LRRC7: variants seen among roughly 807,000 people sequenced by gnomAD.
The protein encoded by LRRC7 is leucine rich repeat containing 7, also known as leucine-rich repeat-containing protein 7.
Under a neutral mutation model 175.7 loss-of-function variants are expected in LRRC7, and 23 were observed. The ratio of observed to expected loss-of-function variants is 0.13; its 90% CI spans 0.09 to 0.19. The LOEUF (loss-of-function observed/expected upper bound fraction) is 0.19. Among genes scored for constraint, LRRC7 ranks in the 10% least tolerant of loss-of-function variants. The probability of loss-of-function intolerance (pLI) is 1.00; values close to 1 mark genes in which losing one functional copy is unlikely to be tolerated. For synonymous variants in LRRC7, 685 were observed against 680.9 expected, an observed-to-expected ratio of 1.01 and a Z score of -0.09; for missense variants, 1,354 against 1,904.7, an observed-to-expected ratio of 0.71 and a Z score of 5.38.
At chr1:69,618,245 C>T (rs558554624) in intron 1 of LRRC7, among the ~76,000 whole-genome samples, 52 of 152,218 alleles carry the variant, frequency 3.4e-4, no homozygotes, top group African/African-American at 1.2e-3. Flanking sequence ...TTGAGGGCTA[C>T]CTAATATTCA....
chr1:69,783,014 C>T (rs1432714153), intron 3 of LRRC7, among the ~76,000 whole-genome samples: 2 of 152,200 alleles, frequency 1.3e-5, no homozygotes, highest in Admixed American at 6.5e-5. Flanking sequence ...CAGACCCTTA[C>T]AGCCTTTTAC....
intron 1 of LRRC7, among the ~76,000 whole-genome samples, chr1:69,574,020 C>T (rs1184767955): frequency 6.6e-6 from 1 of 152,050 alleles, no homozygotes; most frequent in African/African-American, 2.4e-5. Context: ...TGAAAGCATA[C>T]TTAACACAAG....
intron 2 of LRRC7, among the ~76,000 whole-genome samples, chr1:69,749,706 A>G (rs1413771303): frequency 6.6e-6 from 1 of 152,134 alleles, no homozygotes; most frequent in Non-Finnish European, 1.5e-5. Flanking sequence ...AAGAAAATAG[A>G]TGAAAGATAT....
chr1:69,601,279 C>A (rs1773315), intron 1 of LRRC7, among the ~76,000 whole-genome samples: 23,011 of 152,084 alleles, frequency 0.15, 1,922 homozygotes, highest in Admixed American at 0.19. Flanking sequence ...AGAAATATTT[C>A]TGTTTGTAAC....
intron 1 of LRRC7, among the ~76,000 whole-genome samples, chr1:69,675,753 C>T (rs1659672107): frequency 6.6e-6 from 1 of 151,998 alleles, no homozygotes; most frequent in South Asian, 2.1e-4. Context: ...CATGATGAAA[C>T]TGCAGGGACA....
At chr1:69,754,202 G>A (rs139466855) in intron 2 of LRRC7, among the ~76,000 whole-genome samples, 216 of 152,164 alleles carry the variant, frequency 1.4e-3, no homozygotes, top group African/African-American at 4.5e-3. Flanking sequence ...AGTATTTGCA[G>A]CAAGAGAGTG....
At chr1:70,059,450 T>C (rs1350721608) in intron 23 of LRRC7, among the ~76,000 whole-genome samples, 3 of 150,950 alleles carry the variant, frequency 2.0e-5, no homozygotes, top group African/African-American at 4.9e-5. Flanking sequence ...CCTAGGAATT[T>C]ATCAGAAGAA....
At chr1:69,914,086 G>A (rs530004477) in intron 7 of LRRC7, among the ~76,000 whole-genome samples, 2 of 152,188 alleles carry the variant, frequency 1.3e-5, no homozygotes, top group Middle Eastern at 3.4e-3. Flanking sequence ...CAATAACTGG[G>A]AGAAGTTTTC....
At chr1:69,665,924 G>A (rs1658200845) in intron 1 of LRRC7, among the ~76,000 whole-genome samples, 1 of 151,862 alleles carries the variant, frequency 6.6e-6, no homozygotes, top group South Asian at 2.1e-4. Context: ...AAGGCTTTCA[G>A]GTTTTCCCCA....
intron 2 of LRRC7, among the ~76,000 whole-genome samples, chr1:69,719,310 GAATA>G (rs1202258382): frequency 1.3e-5 from 2 of 151,606 alleles, no homozygotes; most frequent in Non-Finnish European, 3.0e-5. Context: ...ATTATTCAAT[GAATA>G]AATGAATGAA....
intron 10 of LRRC7, among the ~76,000 whole-genome samples, chr1:69,987,633 G>A (rs906976184): frequency 6.6e-6 from 1 of 152,116 alleles, no homozygotes; most frequent in East Asian, 1.9e-4. Flanking sequence ...TCATTATTAA[G>A]TTCCAGAACA....
chr1:69,663,462 C>T (rs1466918620), intron 1 of LRRC7, among the ~76,000 whole-genome samples: 1 of 152,040 alleles, frequency 6.6e-6, no homozygotes, highest in Non-Finnish European at 1.5e-5. Context: ...AAGCATTTAT[C>T]CTTTGTGTTA....
intron 4 of LRRC7, among the ~76,000 whole-genome samples, chr1:69,795,667 T>A (rs1267791007): frequency 6.6e-6 from 1 of 152,154 alleles, no homozygotes; most frequent in African/African-American, 2.4e-5. Context: ...AAAATGTGCT[T>A]AAATTAGATG....
chr1:69,621,846 A>C (rs1650665794), intron 1 of LRRC7, among the ~76,000 whole-genome samples: 1 of 152,014 alleles, frequency 6.6e-6, no homozygotes. Flanking sequence ...ATTTCCTTTC[A>C]TCAGTAATGT....
At chr1:69,897,183 A>G (rs980306233) in intron 7 of LRRC7, among the ~76,000 whole-genome samples, 4 of 152,162 alleles carry the variant, frequency 2.6e-5, no homozygotes, top group African/African-American at 9.7e-5. Flanking sequence ...GTCATATCAC[A>G]TTGCTAGTAA....
intron 2 of LRRC7, among the ~76,000 whole-genome samples, chr1:69,739,405 A>G (rs183430966): frequency 6.6e-6 from 1 of 152,220 alleles, no homozygotes; most frequent in African/African-American, 2.4e-5. Flanking sequence ...AGGAATGTAG[A>G]AGAAGAAATT....
intron 2 of LRRC7, among the ~76,000 whole-genome samples, chr1:69,722,006 AT>A (rs1025660222): frequency 2.0e-5 from 3 of 151,964 alleles, no homozygotes; most frequent in Non-Finnish European, 2.9e-5. Flanking sequence ...AAGCTTCTAA[AT>A]GATAAACTGA....
chr1:69,889,081 G>GA (rs1645752017), intron 7 of LRRC7, among the ~76,000 whole-genome samples: 1 of 152,118 alleles, frequency 6.6e-6, no homozygotes, highest in Non-Finnish European at 1.5e-5. Flanking sequence ...ATATCCTAAT[G>GA]AAAAAATACT....
At chr1:70,017,717 G>A (rs943972503) in intron 14 of LRRC7, among the ~76,000 whole-genome samples, 2 of 152,116 alleles carry the variant, frequency 1.3e-5, no homozygotes, top group African/African-American at 2.4e-5. Flanking sequence ...TATTGTTTGT[G>A]TTCCTACAGT....
Sources: allele counts gnomAD v4.1 joint callset (sites outside exome capture counted in the v4.1 genomes callset), GRCh38; gene constraint gnomAD v4.1.1; transcripts MANE v1.5; gene names NCBI Gene and HGNC (gene_info 2026-07-23, HGNC 2026-07-21).